The following CERS3 variants were observed in gnomAD, a reference collection of about 807,000 sequenced individuals.
CERS3 encodes LAG1 homolog, ceramide synthase 3.
A neutral mutation model predicts 50.3 loss-of-function variants in CERS3; 33 were observed. The ratio of observed to expected loss-of-function variants is 0.66; its 90% CI spans 0.50 to 0.88. CERS3 has a LOEUF of 0.88. CERS3 is among the 40% of genes least tolerant of loss of function. The pLI is 0.00. For missense variants in CERS3, 470 were observed against 460.3 expected (o/e 1.02, Z -0.19); for synonymous variants, 176 against 155.2 (o/e 1.13, Z -0.99).
intron 1 of CERS3, among the ~76,000 whole-genome samples, chr15:100,525,990 G>A (rs941531802): frequency 6.6e-6 from 1 of 152,196 alleles, no homozygotes; most frequent in African/African-American, 2.4e-5. Flanking sequence ...TGTATTGTGT[G>A]TTGAGGTGTT....
At chr15:100,404,261 G>A (rs78317279) in intron 11 of CERS3, among the ~76,000 whole-genome samples, 2 of 152,184 alleles carry the variant, frequency 1.3e-5, no homozygotes, top group Non-Finnish European at 2.9e-5. Context: ...GTTATTTTGA[G>A]CACCAAATTT....
At chr15:100,434,995 G>T (rs1287012578) in intron 11 of CERS3, among the ~76,000 whole-genome samples, 2 of 152,150 alleles carry the variant, frequency 1.3e-5, no homozygotes, top group Non-Finnish European at 2.9e-5. Context: ...GCAAGACATG[G>T]TCTGTGGTTC....
chr15:100,527,805 G>T (rs991075495), intron 1 of CERS3, among the ~76,000 whole-genome samples: 10 of 152,302 alleles, frequency 6.6e-5, no homozygotes, highest in African/African-American at 2.4e-4. Flanking sequence ...TGATATTTTA[G>T]AAAAAGGCAG....
chr15:100,478,832 G>A (rs2035216275), intron 7 of CERS3, among the ~76,000 whole-genome samples: 1 of 151,988 alleles, frequency 6.6e-6, no homozygotes, highest in Admixed American at 6.6e-5. Context: ...AATCCCAGAT[G>A]GAAACATGGA....
intron 11 of CERS3, among the ~76,000 whole-genome samples, chr15:100,430,038 C>T (rs1398297269): frequency 1.3e-5 from 2 of 151,816 alleles, no homozygotes; most frequent in Non-Finnish European, 2.9e-5. Context: ...AAAAGCCGGG[C>T]GCGGTGGCTC....
chr15:100,443,765 GTGTCCGACTGA>G (rs1175175018), intron 11 of CERS3, among the ~76,000 whole-genome samples: 1 of 151,756 alleles, frequency 6.6e-6, no homozygotes, highest in Non-Finnish European at 1.5e-5. Context: ...CCTGCCGATA[GTGTCCGACTGA>G]TCTCTCAAAC....
chr15:100,484,410 G>A (rs2035424983), intron 5 of CERS3, 140 bp downstream of exon 5: 1 of 621,126 alleles, frequency 1.6e-6, no homozygotes, highest in Non-Finnish European at 2.9e-6. Context: ...AATATGTGAG[G>A]AGCCTAAAAC....
chr15:100,475,367 A>G (rs1368991538), intron 8 of CERS3, among the ~76,000 whole-genome samples: 2 of 152,234 alleles, frequency 1.3e-5, no homozygotes, highest in Non-Finnish European at 1.5e-5. Flanking sequence ...CATTGTATTT[A>G]CCATACAAAT....
intron 5 of CERS3, among the ~76,000 whole-genome samples, chr15:100,483,712 C>T (rs187691844): frequency 1.1e-3 from 170 of 151,594 alleles, no homozygotes; most frequent in African/African-American, 3.9e-3. Context: ...CTCATTGAAA[C>T]AGGATAGCCC....
At chr15:100,474,464 G>A (rs1047925916) in intron 8 of CERS3, among the ~76,000 whole-genome samples, 4 of 152,024 alleles carry the variant, frequency 2.6e-5, no homozygotes, top group African/African-American at 9.7e-5. Flanking sequence ...CAGTGCAGTG[G>A]TGCGATCTTG....
At chr15:100,502,236 T>C (rs1397697322) in intron 2 of CERS3, among the ~76,000 whole-genome samples, 2 of 91,236 alleles carry the variant, frequency 2.2e-5, no homozygotes, top group East Asian at 3.4e-4. Context: ...AGAGCAAGAC[T>C]CCACCTCAAA....
chr15:100,472,510 G>C (rs951627389), intron 9 of CERS3, among the ~76,000 whole-genome samples: 3 of 152,124 alleles, frequency 2.0e-5, no homozygotes, highest in Non-Finnish European at 4.4e-5. Flanking sequence ...AGGGGAGGGT[G>C]GGGGAGTGTG....
At chr15:100,535,707 A>C (rs2037055645) in intron 1 of CERS3, among the ~76,000 whole-genome samples, 1 of 126,952 alleles carries the variant, frequency 7.9e-6, no homozygotes, top group African/African-American at 2.7e-5. Flanking sequence ...CCATATGTGC[A>C]TGTGAAGTGG....
chr15:100,484,320 C>G (rs2035421596), intron 5 of CERS3, among the ~76,000 whole-genome samples: 1 of 152,188 alleles, frequency 6.6e-6, no homozygotes, highest in Non-Finnish European at 1.5e-5. Context: ...CTGTCTGAAT[C>G]TATTCTGGTT....
intron 11 of CERS3, among the ~76,000 whole-genome samples, chr15:100,417,918 AAAACCC>A (rs1346553615): frequency 6.6e-6 from 1 of 152,114 alleles, no homozygotes; most frequent in African/African-American, 2.4e-5. Flanking sequence ...ATCCACACCG[AAAACCC>A]ATCTGTACAT....
chr15:100,412,369 A>G (rs1567591780), intron 11 of CERS3, among the ~76,000 whole-genome samples: 1 of 152,158 alleles, frequency 6.6e-6, no homozygotes, highest in Non-Finnish European at 1.5e-5. Flanking sequence ...ATTTGACCAT[A>G]CATATGTGAG....
intron 11 of CERS3, among the ~76,000 whole-genome samples, chr15:100,418,030 TC>T (rs895623506): frequency 6.6e-6 from 1 of 152,006 alleles, no homozygotes; most frequent in Non-Finnish European, 1.5e-5. Context: ...GCACCTCTCC[TC>T]CTCCAAAGGA....
At chr15:100,477,937 A>G (rs941832166) in intron 7 of CERS3, among the ~76,000 whole-genome samples, 4 of 152,238 alleles carry the variant, frequency 2.6e-5, no homozygotes, top group Non-Finnish European at 4.4e-5. Context: ...CCCTATTCTA[A>G]CACCTAACAG....
chr15:100,501,484 T>A (rs1431876058), intron 3 of CERS3, among the ~76,000 whole-genome samples, 193 bp downstream of exon 3: 2 of 152,228 alleles, frequency 1.3e-5, no homozygotes, highest in African/African-American at 2.4e-5. Context: ...TGTTTCTAAT[T>A]TTTTGTTGTT....
Sources: gnomAD v4.1 joint callset for allele counts (sites outside exome capture counted in the v4.1 genomes callset) on GRCh38, gnomAD v4.1.1 for gene constraint, MANE v1.5 for transcripts, NCBI Gene and HGNC (gene_info 2026-07-23, HGNC 2026-07-21) for gene names.